MARCHF8: variants seen among roughly 807,000 people sequenced by gnomAD.
The protein encoded by MARCHF8 is membrane associated ring-CH-type finger 8, also known as E3 ubiquitin-protein ligase MARCHF8.
A neutral mutation model predicts 51.6 loss-of-function variants in MARCHF8; 40 were observed. That is an observed-to-expected ratio of 0.77 (90% CI 0.60 to 1.01). The LOEUF is 1.01. Among genes scored for constraint, MARCHF8 ranks in the 50% least tolerant of loss-of-function variants. The pLI, the probability that MARCHF8 is intolerant of heterozygous loss-of-function variation, is 0.00. For synonymous variants in MARCHF8, 263 were observed against 280.3 expected, an observed-to-expected ratio of 0.94 and a Z score of 0.62; for missense variants, 685 against 708.6, an observed-to-expected ratio of 0.97 and a Z score of 0.38.
chr10:45,565,688 T>C (rs2044356987), intron 1 of MARCHF8, among the ~76,000 whole-genome samples: 1 of 152,060 alleles, frequency 6.6e-6, no homozygotes, highest in Admixed American at 6.5e-5. Context: ...AGCAAACTAG[T>C]AGACCTAAAC....
At position 45,574,836 on chromosome 10, in the gene MARCHF8, C is replaced by T. The variant is rs543978944; in HGVS notation, c.-79+19399G>A. The stretch of plus-strand genomic sequence containing the variant: ...CTGATGCATATACTTTCTGCCCACC[C>T]CACTACCTCTCAGCAAGCCAAACTC... On this transcript the variant is annotated intron_variant, in intron 1 of 6. Coordinates refer to the MARCHF8 transcript ENST00000319836. Among the ~76,000 whole-genome samples the T allele has an allele frequency of 2.1e-4, 32 of 152,202 alleles. No individual in the cohort carries two copies. The South Asian group carries it at 4.6e-3, about 22-fold the overall frequency.
At chr10:45,498,486 T>A (rs2043215871) in intron 2 of MARCHF8, among the ~76,000 whole-genome samples, 1 of 73,724 alleles carries the variant, frequency 1.4e-5, no homozygotes, top group African/African-American at 4.6e-5. Context: ...GTCAGAAGCC[T>A]TTTTTTTTTT....
intron 1 of MARCHF8, among the ~76,000 whole-genome samples, chr10:45,575,484 A>G (rs1388207874): frequency 6.6e-6 from 1 of 152,168 alleles, no homozygotes; most frequent in Non-Finnish European, 1.5e-5. Flanking sequence ...ATAATTCTAT[A>G]CGACAAATGC....
At chr10:45,495,158 C>T (rs932464737) in intron 2 of MARCHF8, among the ~76,000 whole-genome samples, 2 of 151,814 alleles carry the variant, frequency 1.3e-5, no homozygotes, top group Non-Finnish European at 2.9e-5. Context: ...TAAGGACTCC[C>T]AAAACCTTTG....
intron 1 of MARCHF8, among the ~76,000 whole-genome samples, chr10:45,549,077 A>G (rs564335890): frequency 6.6e-6 from 1 of 152,146 alleles, no homozygotes; most frequent in East Asian, 1.9e-4. Flanking sequence ...CCCTGCAGAG[A>G]ACAGTGTCTG....
chr10:45,526,364 C>T (rs76914282), intron 2 of MARCHF8, among the ~76,000 whole-genome samples: 49 of 152,324 alleles, frequency 3.2e-4, no homozygotes, highest in Non-Finnish European at 5.6e-4. Flanking sequence ...CAGGGCTCCA[C>T]ATTCCCACCA....
chr10:45,579,759 A>G (rs937776347), intron 1 of MARCHF8, among the ~76,000 whole-genome samples: 1 of 152,110 alleles, frequency 6.6e-6, no homozygotes, highest in African/African-American at 2.4e-5. Context: ...CACGCCTATA[A>G]TCCCAGCACT....
chr10:45,575,237 C>T (rs2044476293), intron 1 of MARCHF8, among the ~76,000 whole-genome samples: 1 of 152,184 alleles, frequency 6.6e-6, no homozygotes, highest in African/African-American at 2.4e-5. Flanking sequence ...AGCGTTCCAA[C>T]TTCTATCTCA....
chr10:45,506,336 C>T (rs2043384774), intron 2 of MARCHF8, among the ~76,000 whole-genome samples: 1 of 152,142 alleles, frequency 6.6e-6, no homozygotes, highest in South Asian at 2.1e-4. Flanking sequence ...TAAGCATAGA[C>T]TTTTATTCTA....
chr10:45,588,875 G>A (rs1589198390), intron 1 of MARCHF8, among the ~76,000 whole-genome samples: 2 of 151,628 alleles, frequency 1.3e-5, no homozygotes, highest in African/African-American at 4.9e-5. Context: ...GCAGGTGCCT[G>A]TAGTTCCAGC....
At chr10:45,518,711 G>A (rs143153502) in intron 2 of MARCHF8, among the ~76,000 whole-genome samples, 3 of 152,232 alleles carry the variant, frequency 2.0e-5, no homozygotes, top group East Asian at 3.9e-4. Flanking sequence ...ATGGAAATCC[G>A]TTTCCACATT....
chr10:45,558,294 C>A (rs1191779806), intron 1 of MARCHF8, among the ~76,000 whole-genome samples: 2 of 152,154 alleles, frequency 1.3e-5, no homozygotes, highest in Non-Finnish European at 2.9e-5. Flanking sequence ...AACGGACATT[C>A]ATTCTACAGC....
chr10:45,568,203 A>T (rs1212156772), intron 1 of MARCHF8, among the ~76,000 whole-genome samples: 2 of 152,232 alleles, frequency 1.3e-5, no homozygotes, highest in African/African-American at 4.8e-5. Context: ...ATATAAAATT[A>T]CACCATCTGT....
intron 1 of MARCHF8, among the ~76,000 whole-genome samples, chr10:45,581,395 T>C (rs2044553986): frequency 6.6e-6 from 1 of 152,004 alleles, no homozygotes; most frequent in South Asian, 2.1e-4. Context: ...AGACACCCAG[T>C]GGTTAGAGGA....
intron 2 of MARCHF8, among the ~76,000 whole-genome samples, chr10:45,510,174 A>G (rs920077682): frequency 6.6e-6 from 1 of 152,148 alleles, no homozygotes; most frequent in African/African-American, 2.4e-5. Flanking sequence ...ATGTCAAGAC[A>G]TGGAGAGAAG....
intron 1 of MARCHF8, among the ~76,000 whole-genome samples, chr10:45,570,170 G>T (rs971543605): frequency 6.6e-6 from 1 of 152,006 alleles, no homozygotes; most frequent in Non-Finnish European, 1.5e-5. Flanking sequence ...ATTTTAGAAG[G>T]TTTGCATAAA....
chr10:45,534,632 C>A (rs2043945557), intron 1 of MARCHF8, among the ~76,000 whole-genome samples: 1 of 152,108 alleles, frequency 6.6e-6, no homozygotes, highest in Non-Finnish European at 1.5e-5. Flanking sequence ...AAAATGGAAG[C>A]CTTCAACCAA....
intron 1 of MARCHF8, among the ~76,000 whole-genome samples, chr10:45,551,800 A>G (rs917804328): frequency 2.7e-5 from 4 of 150,698 alleles, no homozygotes; most frequent in African/African-American, 9.8e-5. Flanking sequence ...CTCTCTCCCA[A>G]TCTCATCTAG....
At chr10:45,482,248 T>C (rs1416460488) in intron 3 of MARCHF8, among the ~76,000 whole-genome samples, 1 of 152,042 alleles carries the variant, frequency 6.6e-6, no homozygotes, top group African/African-American at 2.4e-5. Flanking sequence ...CCCAAAGCAA[T>C]CTACAGATTC....
Sources: allele counts gnomAD v4.1 joint callset (sites outside exome capture counted in the v4.1 genomes callset), GRCh38; gene constraint gnomAD v4.1.1; transcripts MANE v1.5; gene names NCBI Gene and HGNC (gene_info 2026-07-23, HGNC 2026-07-21).